KAZN: variants seen among roughly 807,000 people sequenced by gnomAD.
The protein encoded by KAZN is kazrin.
A neutral mutation model predicts 87.4 loss-of-function variants in KAZN; 40 were observed. The observed-to-expected ratio is 0.46, with a 90% CI of 0.36 to 0.60. KAZN has a LOEUF of 0.60. KAZN is among the 20% of genes least tolerant of loss of function. KAZN has a pLI of 0.00. For synonymous variants in KAZN, 466 were observed against 458.3 expected, an observed-to-expected ratio of 1.02 and a Z score of -0.22; for missense variants, 898 against 1,073.9, an observed-to-expected ratio of 0.84 and a Z score of 2.29.
Position 15,116,504 on chromosome 1 carries a change from T to G in KAZN, c.*1869T>G, listed in dbSNP as rs1286538759. On this transcript the variant is annotated 3_prime_UTR_variant, in exon 15 of 15. Coordinates refer to ENST00000376030, the MANE Select transcript of KAZN (RefSeq NM_201628.3). ...GGTGGTGAATCTCTGGCATGTGGCT[T>G]GGCTTTGTTGAGACTCCAAATTCCA... 2.6e-5 allele frequency: 4 copies of G among 152,266 alleles called. No homozygotes were observed. Among genetic ancestry groups the G allele is most frequent in the Non-Finnish European group, 5.9e-5 (4 of 68,076 alleles). 9.4% of individuals were successfully genotyped at this position (152,266 alleles called of 1,614,324 possible). A position where few individuals can be genotyped will look rare whatever the true frequency, so the allele number is the denominator to read the frequency against.
At chr1:14,060,086 TG>T (rs1167243469) in intron 1 of KAZN, among the ~76,000 whole-genome samples, 1 of 151,224 alleles carries the variant, frequency 6.6e-6, no homozygotes, top group Non-Finnish European at 1.5e-5. Context: ...AGAATGAGCC[TG>T]GGGGCAGTGG....
Position 14,506,764 on chromosome 1 carries a change from TAAGAA to T in KAZN, c.250-92212_250-92208del, listed in dbSNP as rs902235967. Among the ~76,000 whole-genome samples the T allele has an allele frequency of 1.2e-4, 19 of 152,188 alleles. No homozygotes were observed. In the East Asian group the frequency reaches 2.9e-3, roughly 23 times the overall value. On this transcript the variant is annotated intron_variant, in intron 2 of 16. Transcript: ENST00000636203. The stretch of plus-strand genomic sequence containing the variant: ...AGTGCTTTAGAATGCATGAACAAAA[TAAGAA>T]AAGAAATAAAACTGTGTGTATGTAT...
At chr1:14,689,230 AAAACAAAAC>A (rs1269210676) in intron 1 of KAZN, among the ~76,000 whole-genome samples, 2 of 151,484 alleles carry the variant, frequency 1.3e-5, no homozygotes, top group African/African-American at 2.4e-5. Flanking sequence ...AAAACAAAAC[AAAACAAAAC>A]AGAGTTGATT....
intron 2 of KAZN, among the ~76,000 whole-genome samples, chr1:14,344,239 A>G (rs1321454638): frequency 2.7e-5 from 4 of 148,540 alleles, no homozygotes; most frequent in Non-Finnish European, 5.9e-5. Context: ...ACCATCAGTC[A>G]CAGATGGCAA....
intron 1 of KAZN, among the ~76,000 whole-genome samples, chr1:14,071,161 G>A (rs1348667431): frequency 6.6e-6 from 1 of 152,102 alleles, no homozygotes. Flanking sequence ...CAAGACAGCT[G>A]TAGGAAAGGG....
chr1:14,270,370 C>A (rs1298724199), intron 2 of KAZN, among the ~76,000 whole-genome samples: 1 of 152,186 alleles, frequency 6.6e-6, no homozygotes, highest in Admixed American at 6.5e-5. Context: ...GGAGGTAGAA[C>A]AACTGATGTT....
At chr1:14,998,601 T>C (rs1055668384) in intron 2 of KAZN, among the ~76,000 whole-genome samples, 1 of 152,204 alleles carries the variant, frequency 6.6e-6, no homozygotes, top group African/African-American at 2.4e-5. Context: ...CAGGCTGGAG[T>C]GCAGTGGTGC....
chr1:14,652,311 T>G (rs1043953779), intron 1 of KAZN, among the ~76,000 whole-genome samples: 4 of 152,240 alleles, frequency 2.6e-5, no homozygotes, highest in African/African-American at 7.2e-5. Context: ...AATTGCCATT[T>G]CAGAGTCATC....
intron 1 of KAZN, among the ~76,000 whole-genome samples, chr1:14,805,207 T>G (rs560941229): frequency 6.6e-6 from 1 of 152,212 alleles, no homozygotes; most frequent in South Asian, 2.1e-4. Flanking sequence ...GAGGAGGTGG[T>G]CCAGGGTAGC....
chr1:14,065,994 C>A (rs976726153), intron 1 of KAZN, among the ~76,000 whole-genome samples: 7 of 152,160 alleles, frequency 4.6e-5, no homozygotes, highest in Non-Finnish European at 7.3e-5. Context: ...TTCCTCCTGG[C>A]TTCTGAATCT....
At chr1:14,414,613 C>CGTGTGTGTGTGTGT (rs35972093) in intron 2 of KAZN, among the ~76,000 whole-genome samples, 3 of 150,806 alleles carry the variant, frequency 2.0e-5, no homozygotes, top group African/African-American at 7.3e-5. Context: ...ATGCACATAC[C>CGTGTGTGTGTGTGT]GTGTGTGTGT....
intron 1 of KAZN, among the ~76,000 whole-genome samples, chr1:14,074,295 C>T (rs1643359856): frequency 6.6e-6 from 1 of 152,198 alleles, no homozygotes; most frequent in Non-Finnish European, 1.5e-5. Flanking sequence ...AGCCCCCAGC[C>T]CCTTTCTTCA....
At chr1:14,377,550 G>A (rs1453114076) in intron 2 of KAZN, among the ~76,000 whole-genome samples, 2 of 152,162 alleles carry the variant, frequency 1.3e-5, no homozygotes, top group Non-Finnish European at 1.5e-5. Context: ...TTCACAATGG[G>A]CCAGGTCGCT....
chr1:14,985,785 T>C (rs926647297), intron 2 of KAZN, among the ~76,000 whole-genome samples: 19 of 151,794 alleles, frequency 1.3e-4, no homozygotes, highest in African/African-American at 4.3e-4. Context: ...AGGCGGATCA[T>C]GAGGTCAAGA....
intron 1 of KAZN, among the ~76,000 whole-genome samples, chr1:14,956,943 C>T (rs1271343720): frequency 2.0e-5 from 3 of 152,172 alleles, no homozygotes; most frequent in Admixed American, 6.5e-5. Context: ...GCTTTGCAGC[C>T]GCCTTTGCTC....
At chr1:14,192,709 AAACACAGTTATGCAG>A (rs1646445820) in intron 2 of KAZN, among the ~76,000 whole-genome samples, 2 of 152,190 alleles carry the variant, frequency 1.3e-5, no homozygotes, top group Admixed American at 1.3e-4. Flanking sequence ...TACCTCTACA[AAACACAGTTATGCAG>A]AACACAGTTT....
chr1:14,584,791 T>C (rs1372209399), intron 2 of KAZN, among the ~76,000 whole-genome samples: 1 of 152,114 alleles, frequency 6.6e-6, no homozygotes, highest in Non-Finnish European at 1.5e-5. Context: ...ATTACAGGCA[T>C]GCACCACCAC....
rs188626358 is a variant in KAZN, at chr1:13,893,721, A to G, written c.56A>G (p.His19Arg). Reference sequence around the variant, plus strand: ...GCCACAGGCCCCGTCACCTTCTCCCACGTCTTTGGTCAGCAGTGCCAACTT... The same window carrying G: ...GCCACAGGCCCCGTCACCTTCTCCCGCGTCTTTGGTCAGCAGTGCCAACTT... The change falls in exon 1 of 17, where the codon CAC becomes CGC. Residue 19 changes from histidine (H) to arginine (R), a missense_variant. His to Arg is a conservative substitution (Grantham distance 29). Transcript: ENST00000636203. 5.9e-5 allele frequency: 92 copies of G among 1,550,392 alleles called. No individual in the cohort carries two copies. In the East Asian group the frequency reaches 1.8e-3, roughly 30 times the overall value.
intron 1 of KAZN, among the ~76,000 whole-genome samples, chr1:14,762,710 G>A (rs1393655836): frequency 2.0e-5 from 3 of 151,234 alleles, no homozygotes; most frequent in Admixed American, 6.6e-5. Context: ...GGGTGACAGA[G>A]CAAGACTCTG....
Sources: gnomAD v4.1 joint callset for allele counts (sites outside exome capture counted in the v4.1 genomes callset) on GRCh38, gnomAD v4.1.1 for gene constraint, MANE v1.5 for transcripts, NCBI Gene and HGNC (gene_info 2026-07-23, HGNC 2026-07-21) for gene names.